Variants in UNC80 observed in about 807,000 individuals in gnomAD.
The protein encoded by UNC80 is protein unc-80 homolog.
Under a neutral mutation model 384.6 loss-of-function variants are expected in UNC80, and 164 were observed. That is an observed-to-expected ratio of 0.43 (90% CI 0.38 to 0.49). The LOEUF is 0.49. Among genes scored for constraint, UNC80 ranks in the 20% least tolerant of loss-of-function variants. The pLI is 0.00. For missense variants in UNC80, 3,330 were observed against 4,143.0 expected (o/e 0.80, Z 5.39); for synonymous variants, 1,486 against 1,527.8 (o/e 0.97, Z 0.64).
intron 22 of UNC80, among the ~76,000 whole-genome samples, chr2:209,853,443 A>C (rs868118989): frequency 6.6e-6 from 1 of 152,002 alleles, no homozygotes; most frequent in Non-Finnish European, 1.5e-5. Context: ...GTTCTAAACA[A>C]TGCTACTTTT....
chr2:209,783,152 A>C (rs1292275732), intron 4 of UNC80, among the ~76,000 whole-genome samples: 1 of 152,186 alleles, frequency 6.6e-6, no homozygotes, highest in Non-Finnish European at 1.5e-5. Context: ...ACAGATTCTC[A>C]GTGAAAGCAA....
At position 209,817,132 on chromosome 2, in the gene UNC80, A is replaced by T; in HGVS notation, c.1552+7A>T. 6.4e-7 allele frequency: 1 copy of T among 1,551,056 alleles called. No individual in the cohort carries two copies. The highest frequency in any genetic ancestry group is 8.7e-7 in the Non-Finnish European group (1 of 1,146,828). Reference sequence around the variant, plus strand: ...TGGCAAACCACCATTTTAGGTGACCACAAGGCCTTCCAAAATAGGGCAGAG... The same window carrying T: ...TGGCAAACCACCATTTTAGGTGACCTCAAGGCCTTCCAAAATAGGGCAGAG... On this transcript the variant is annotated splice_region_variant and intron_variant, in intron 10 of 64. Coordinates refer to ENST00000673920, the MANE Select transcript of UNC80 (RefSeq NM_001371986.1).
At chr2:209,930,135 T>C (rs2090739633) in intron 37 of UNC80, among the ~76,000 whole-genome samples, 164 bp downstream of exon 37, 1 of 152,264 alleles carries the variant, frequency 6.6e-6, no homozygotes, top group South Asian at 2.1e-4. Context: ...TACTTAACTT[T>C]GCTGTTTTTA....
At chr2:209,915,049 C>T (rs573236954) in intron 31 of UNC80, among the ~76,000 whole-genome samples, 3 of 152,220 alleles carry the variant, frequency 2.0e-5, no homozygotes, top group African/African-American at 4.8e-5. Context: ...GAATGGCACA[C>T]TCCCCAAATG....
intron 39 of UNC80, 86 bp from the exon 40 acceptor site, chr2:209,935,628 T>C: frequency 1.7e-6 from 1 of 572,490 alleles, no homozygotes; most frequent in East Asian, 3.6e-5. Context: ...AACATCAGCT[T>C]ATTGATAATA....
At chr2:209,793,641 C>A in intron 6 of UNC80, 79 bp from the exon 7 acceptor site, 1 of 1,527,454 alleles carries the variant, frequency 6.5e-7, no homozygotes. Context: ...AATATGGTAG[C>A]TAATTCTAGA....
chr2:209,859,302 C>T (rs1459297549), intron 22 of UNC80, among the ~76,000 whole-genome samples: 1 of 152,274 alleles, frequency 6.6e-6, no homozygotes, highest in East Asian at 1.9e-4. Flanking sequence ...TTATCTGTTC[C>T]TGTGTTAGTT....
At chr2:209,972,463 A>G (rs1183885108) in intron 55 of UNC80, 139 bp downstream of exon 55, 37 of 1,242,202 alleles carry the variant, frequency 3.0e-5, no homozygotes, top group Non-Finnish European at 3.9e-5. Context: ...CATCTTAGGA[A>G]ATAAGAGTTT....
Position 209,973,132 on chromosome 2 carries a change from C to T in UNC80, c.8449C>T (p.Pro2817Ser). ...LQTVINVLLP[P>S]RIISTSRSKN... Reference sequence around the variant, plus strand: ...GACAGTCATCAATGTACTCCTCCCACCGCGGATCATCAGCACATCCAGGAG... The same window carrying T: ...GACAGTCATCAATGTACTCCTCCCATCGCGGATCATCAGCACATCCAGGAG... The change falls in exon 56 of 65, where the codon CCG (proline) becomes TCG (serine). Residue 2817 changes from proline (P) to serine (S), a missense_variant. Physicochemically the swap from Pro to Ser is moderately conservative, Grantham distance 74. Transcript: ENST00000673920. 2 of 1,551,658 alleles carry T rather than the reference C, an allele frequency of 1.3e-6. No homozygotes were observed. The highest frequency in any genetic ancestry group is 1.7e-6 in the Non-Finnish European group (2 of 1,147,006).
chr2:209,913,674 C>T lies in UNC80; in HGVS notation c.4891-128C>T, dbSNP rs1461750216. 1.1e-5 allele frequency: 10 copies of T among 908,664 alleles called. No homozygotes were observed. The South Asian group carries it at 1.3e-4, about 12-fold the overall frequency. The allele number at this position is 908,664 out of a possible 1,614,324, so 56.3% of individuals were successfully genotyped here. A position where few individuals can be genotyped will look rare whatever the true frequency, so the allele number is the denominator to read the frequency against. On this transcript the variant is annotated intron_variant, in intron 30 of 64. Transcript: ENST00000673920. Reference sequence around the variant, plus strand: ...ATGCCATGTCAACTAAATATGCTCCCATTTTAGAAAGCATTTTAAGGTCAC... The same window carrying T: ...ATGCCATGTCAACTAAATATGCTCCTATTTTAGAAAGCATTTTAAGGTCAC...
At chr2:209,806,729 T>C (rs1488920637) in intron 7 of UNC80, among the ~76,000 whole-genome samples, 1 of 152,252 alleles carries the variant, frequency 6.6e-6, no homozygotes, top group Non-Finnish European at 1.5e-5. Context: ...TCTTTTGCTC[T>C]GAACTTAAGT....
chr2:209,823,924 A>G (rs189301240), intron 13 of UNC80, among the ~76,000 whole-genome samples: 5 of 152,294 alleles, frequency 3.3e-5, no homozygotes, highest in African/African-American at 4.8e-5. Context: ...GAGCTCCAAC[A>G]TGAAGCCACA....
chr2:209,838,925 T>C (rs1467155751), intron 18 of UNC80, among the ~76,000 whole-genome samples: 1 of 152,116 alleles, frequency 6.6e-6, no homozygotes, highest in East Asian at 1.9e-4. Flanking sequence ...GTGCTTCTGG[T>C]ATTATGACTC....
chr2:209,900,975 G>GA (rs1418483245), intron 28 of UNC80, among the ~76,000 whole-genome samples: 1 of 152,198 alleles, frequency 6.6e-6, no homozygotes, highest in Non-Finnish European at 1.5e-5. Context: ...AGAAAAGTCT[G>GA]AAGTTAGCAG....
chr2:209,844,416 CTCTT>C (rs1294243433), intron 21 of UNC80, among the ~76,000 whole-genome samples: 3 of 148,182 alleles, frequency 2.0e-5, no homozygotes, highest in East Asian at 2.0e-4. Flanking sequence ...CTTTCCTTCT[CTCTT>C]TCTTTCTCTT....
Position 209,969,783 on chromosome 2 carries a change from G to A in UNC80, c.8022G>A (p.Trp2674Ter). The A allele has an allele frequency of 6.4e-7, 1 of 1,551,664 alleles. No homozygotes were observed. Among genetic ancestry groups the A allele is most frequent in the Non-Finnish European group, 8.7e-7 (1 of 1,146,964 alleles). Residue 2674 changes from tryptophan to a stop codon, truncating the protein, a stop_gained, in exon 53 of 65, where the codon TGG becomes TGA. Transcript: ENST00000673920. LOFTEE classifies it high-confidence loss of function. The part of the protein sequence containing the change: ...KMPTLRRQVE[W>*]EPASNLIEGV... Reference sequence around the variant, plus strand: ...TGTATTCCAGGCGACAGGTTGAGTGGGAGCCTGCCAGCAATTTGATTGAAG... The same window carrying A: ...TGTATTCCAGGCGACAGGTTGAGTGAGAGCCTGCCAGCAATTTGATTGAAG...
chr2:209,832,323 C>G (rs942038878), intron 16 of UNC80, among the ~76,000 whole-genome samples: 2 of 152,060 alleles, frequency 1.3e-5, no homozygotes, highest in African/African-American at 4.8e-5. Flanking sequence ...AATTAAAAGG[C>G]TAGTGCTTAA....
At chr2:209,889,899 T>C (rs1451328788) in intron 26 of UNC80, among the ~76,000 whole-genome samples, 2 of 152,152 alleles carry the variant, frequency 1.3e-5, no homozygotes, top group East Asian at 1.9e-4. Flanking sequence ...TTAGTAGAGA[T>C]GAGGTTTCAC....
At chr2:209,832,604 G>A (rs760314852) in intron 16 of UNC80, among the ~76,000 whole-genome samples, 17 of 152,152 alleles carry the variant, frequency 1.1e-4, no homozygotes, top group Non-Finnish European at 1.9e-4. Context: ...CCAAACTAAA[G>A]GAGTTGAACT....
Sources: allele counts gnomAD v4.1 joint callset (sites outside exome capture counted in the v4.1 genomes callset), GRCh38; gene constraint gnomAD v4.1.1; transcripts MANE v1.5; gene names NCBI Gene and HGNC (gene_info 2026-07-23, HGNC 2026-07-21).